The following STK32A variants were observed in gnomAD, a reference collection of about 807,000 sequenced individuals.
The protein encoded by STK32A is serine/threonine-protein kinase 32A.
Under a neutral mutation model 53.2 loss-of-function variants are expected in STK32A, and 41 were observed. The observed-to-expected ratio is 0.77, with a 90% CI of 0.60 to 1.00. The LOEUF is 1.00. Among genes scored for constraint, STK32A ranks in the 50% least tolerant of loss-of-function variants. The probability of loss-of-function intolerance (pLI) is 0.00; values close to 1 mark genes in which losing one functional copy is unlikely to be tolerated. For synonymous variants in STK32A, 166 were observed against 162.8 expected, an observed-to-expected ratio of 1.02 and a Z score of -0.15; for missense variants, 458 against 485.8, an observed-to-expected ratio of 0.94 and a Z score of 0.54.
chr5:147,258,918 T>C (rs1345661970), intron 2 of STK32A, among the ~76,000 whole-genome samples: 1 of 150,624 alleles, frequency 6.6e-6, no homozygotes, highest in South Asian at 2.1e-4. Context: ...TAGATGGCTT[T>C]TTTTTATTAT....
chr5:147,295,240 T>G (rs911660525), intron 4 of STK32A, among the ~76,000 whole-genome samples: 4 of 152,226 alleles, frequency 2.6e-5, no homozygotes, highest in Middle Eastern at 3.2e-3. Context: ...ACTTTACGAT[T>G]TAGTTACTGA....
At chr5:147,322,950 C>T (rs536432335) in intron 4 of STK32A, among the ~76,000 whole-genome samples, 1 of 152,300 alleles carries the variant, frequency 6.6e-6, no homozygotes, top group African/African-American at 2.4e-5. Flanking sequence ...CTTCTCCAGA[C>T]ACAAGTTTCC....
chr5:147,269,677 G>A (rs191796571), intron 2 of STK32A, among the ~76,000 whole-genome samples: 1 of 152,158 alleles, frequency 6.6e-6, no homozygotes, highest in East Asian at 1.9e-4. Flanking sequence ...TCTTATCTTG[G>A]AATTTATCTT....
At chr5:147,399,258 G>T in the STK32A span, 1 of 1,613,158 alleles carries the variant, frequency 6.2e-7, no homozygotes, top group African/African-American at 1.3e-5. Flanking sequence ...GTGGCCTATT[G>T]AAATATAAGA....
intron 11 of STK32A, among the ~76,000 whole-genome samples, chr5:147,380,274 G>C (rs187419312): frequency 6.6e-6 from 1 of 152,054 alleles, no homozygotes; most frequent in South Asian, 2.1e-4. Flanking sequence ...CCCTGTGACC[G>C]ATACTGGAAA....
intron 2 of STK32A, among the ~76,000 whole-genome samples, chr5:147,257,307 G>T (rs1754280062): frequency 6.6e-6 from 1 of 152,076 alleles, no homozygotes; most frequent in South Asian, 2.1e-4. Context: ...AATTTCCCCG[G>T]ATTAAATGGT....
intron 4 of STK32A, among the ~76,000 whole-genome samples, chr5:147,297,978 C>CAAAA (rs60657537): frequency 0.19 from 25,419 of 135,432 alleles, 2,699 homozygotes; most frequent in Admixed American, 0.27. Flanking sequence ...GACTCTGTCT[C>CAAAA]AAAAAAAAAA....
At chr5:147,400,322 C>T in the STK32A span, among the ~76,000 whole-genome samples, 1 of 152,080 alleles carries the variant, frequency 6.6e-6, no homozygotes, top group African/African-American at 2.4e-5. Flanking sequence ...AGACTCATTG[C>T]TTATCATTTC....
intron 5 of STK32A, among the ~76,000 whole-genome samples, chr5:147,341,255 G>A (rs1385615022): frequency 6.6e-6 from 1 of 152,174 alleles, no homozygotes; most frequent in Non-Finnish European, 1.5e-5. Flanking sequence ...GAGGTGGAAA[G>A]AGCCCGACAC....
chr5:147,351,238 C>A, intron 7 of STK32A, 84 bp downstream of exon 7: 2 of 1,199,496 alleles, frequency 1.7e-6, no homozygotes, highest in Admixed American at 2.0e-5. Flanking sequence ...GGATTTGCAG[C>A]TAGAACTGGT....
intron 6 of STK32A, among the ~76,000 whole-genome samples, chr5:147,343,750 AGTATGTACCAAT>A (rs1457969801): frequency 6.6e-6 from 1 of 152,244 alleles, no homozygotes; most frequent in African/African-American, 2.4e-5. Flanking sequence ...GCACATAACT[AGTATGTACCAAT>A]GTATCTCAGA....
chr5:147,401,224 C>A, the STK32A span, among the ~76,000 whole-genome samples: 2 of 152,152 alleles, frequency 1.3e-5, no homozygotes, highest in Non-Finnish European at 2.9e-5. Context: ...TATGTAAATG[C>A]TGATAAGAGT....
intron 4 of STK32A, among the ~76,000 whole-genome samples, chr5:147,287,742 A>C (rs1223094614): frequency 6.6e-6 from 1 of 152,120 alleles, no homozygotes; most frequent in Non-Finnish European, 1.5e-5. Context: ...AGCAATCATC[A>C]AATTGCCTTT....
chr5:147,306,726 G>A (rs1373697574), intron 4 of STK32A, among the ~76,000 whole-genome samples: 1 of 151,910 alleles, frequency 6.6e-6, no homozygotes, highest in African/African-American at 2.4e-5. Flanking sequence ...AAGAAGTAGT[G>A]AATTATCTAA....
rs1756970812 is a variant in STK32A at position 147,370,697 on chromosome 5, T to C, written c.704T>C (p.Val235Ala). 1 of 1,612,562 alleles carries C rather than the reference T, an allele frequency of 6.2e-7. No homozygotes were observed. The part of the protein sequence containing the change: ...IRSSTSSKEI[V>A]HTFETTVVTY... ...TCCAGTACTTCCAGCAAGGAAATTG[T>C]ACACACGTTTGAGACGACTGTTGTA... Residue 235 changes from valine (V) to alanine (A), a missense_variant, in exon 9 of 13, where the codon GTA (valine) becomes GCA (alanine). Physicochemically the swap from Val to Ala is moderately conservative, Grantham distance 64. Transcript: ENST00000397936.
At chr5:147,388,685 A>G (rs1283798211), downstream of STK32A, among the ~76,000 whole-genome samples, 1 of 152,088 alleles carries the variant, frequency 6.6e-6, no homozygotes, top group Non-Finnish European at 1.5e-5. Context: ...CCAGAAAGTT[A>G]TTTGGAACCA....
intron 7 of STK32A, among the ~76,000 whole-genome samples, chr5:147,361,184 C>T (rs182252023): frequency 3.0e-4 from 45 of 152,280 alleles, no homozygotes; most frequent in Middle Eastern, 3.4e-3. Flanking sequence ...AAACAAATAA[C>T]ATCTTCTTAG....
At position 147,303,796 on chromosome 5, in the gene STK32A, T is replaced by A. The variant is rs554846243; in HGVS notation, c.261-20102T>A. Among the ~76,000 whole-genome samples the A allele has an allele frequency of 4.0e-4, 61 of 152,300 alleles. 1 individual carries two copies. The highest frequency in any genetic ancestry group is 7.8e-4 in the Admixed American group (12 of 15,298). On this transcript the variant is annotated intron_variant, in intron 4 of 12. Transcript: ENST00000397936. ...AAGTTGTTTTGGCATATGACCCTGA[T>A]GAACTTGCAAAAGTAGAGAAGAAGG...
chr5:147,279,718 G>T (rs1025841688), intron 4 of STK32A, among the ~76,000 whole-genome samples: 4 of 152,192 alleles, frequency 2.6e-5, no homozygotes, highest in Admixed American at 6.5e-5. Flanking sequence ...AAAAGATGGA[G>T]ATTTCTTGGA....
Sources: allele counts gnomAD v4.1 joint callset (sites outside exome capture counted in the v4.1 genomes callset), GRCh38; gene constraint gnomAD v4.1.1; transcripts MANE v1.5; gene names NCBI Gene and HGNC (gene_info 2026-07-23, HGNC 2026-07-21).